Variants in SPATS2 observed in about 807,000 individuals in gnomAD.
The protein encoded by SPATS2 is spermatogenesis associated serine rich 2.
Under a neutral mutation model 63.7 loss-of-function variants are expected in SPATS2, and 38 were observed. The observed-to-expected ratio is 0.60, with a 90% confidence interval of 0.46 to 0.78. The LOEUF (loss-of-function observed/expected upper bound fraction) is 0.78. Ranked by LOEUF, SPATS2 falls within the 30% of genes least tolerant of loss-of-function variation. The probability of loss-of-function intolerance (pLI) is 0.00; values close to 1 mark genes in which losing one functional copy is unlikely to be tolerated. For synonymous variants in SPATS2, 207 were observed against 232.9 expected, an observed-to-expected ratio of 0.89 and a Z score of 1.01; for missense variants, 588 against 666.2, an observed-to-expected ratio of 0.88 and a Z score of 1.29.
chr12:49,380,807 ATTTG>A (rs1382217361), intron 2 of SPATS2, among the ~76,000 whole-genome samples: 4 of 151,008 alleles, frequency 2.6e-5, no homozygotes, highest in Non-Finnish European at 5.9e-5. Flanking sequence ...CATGTATAGT[ATTTG>A]TTTGAATACC....
intron 3 of SPATS2, among the ~76,000 whole-genome samples, chr12:49,469,838 A>G (rs1047337627): frequency 6.6e-6 from 1 of 151,920 alleles, no homozygotes; most frequent in Non-Finnish European, 1.5e-5. Flanking sequence ...TAGTAAGCCA[A>G]GGTCACGCCA....
chr12:49,478,978 G>A (rs968722969), intron 3 of SPATS2, among the ~76,000 whole-genome samples: 7 of 152,034 alleles, frequency 4.6e-5, no homozygotes, highest in African/African-American at 1.7e-4. Flanking sequence ...CTCCTACAGA[G>A]TATTCAGCTC....
At chr12:49,409,871 A>G (rs1000974298) in intron 2 of SPATS2, among the ~76,000 whole-genome samples, 2 of 151,820 alleles carry the variant, frequency 1.3e-5, no homozygotes, top group African/African-American at 4.8e-5. Flanking sequence ...CTAAAGTGGT[A>G]GGATTACAGG....
intron 2 of SPATS2, among the ~76,000 whole-genome samples, chr12:49,397,146 T>A (rs569020091): frequency 6.6e-6 from 1 of 152,328 alleles, no homozygotes; most frequent in Admixed American, 6.5e-5. Context: ...TCTCTTATCA[T>A]TACCTTCTCA....
chr12:49,461,170 G>A (rs548532064), intron 3 of SPATS2, 133 bp downstream of exon 3: 7 of 912,252 alleles, frequency 7.7e-6, no homozygotes, highest in East Asian at 5.4e-5. Context: ...TTAGATTATC[G>A]CTTTGTGTAT....
chr12:49,462,366 G>C (rs1434814037), intron 3 of SPATS2: 1 of 702,306 alleles, frequency 1.4e-6, no homozygotes, highest in Non-Finnish European at 2.6e-6. Context: ...TGAACTCTGT[G>C]TGGGCCCCGT....
At chr12:49,389,763 A>G (rs1944387278) in intron 2 of SPATS2, 10 of 1,401,638 alleles carry the variant, frequency 7.1e-6, no homozygotes, top group Non-Finnish European at 1.0e-5. Context: ...GCAACAAGAA[A>G]GAAAAGAATT....
At chr12:49,424,660 C>T (rs1265543190) in intron 2 of SPATS2, among the ~76,000 whole-genome samples, 3 of 152,180 alleles carry the variant, frequency 2.0e-5, no homozygotes, top group South Asian at 2.1e-4. Context: ...ATGATACATA[C>T]GTACCATAGT....
At position 49,489,530 on chromosome 12, in the gene SPATS2, CT is replaced by C; in HGVS notation, c.174del (p.Phe58LeufsTer26). On this transcript the variant is annotated frameshift_variant, in exon 5 of 14. Coordinates refer to ENST00000552918, the MANE Select transcript of SPATS2 (RefSeq NM_023071.4). LOFTEE classifies it high-confidence loss of function. The part of the protein sequence containing the change: ...NNEIILVLQH[F>X]DNCVDKTVQA... ...ATGAAATTATCCTGGTTTTGCAGCACTTTGATAACTGTGTGGACAAAACAGT... is the reference window on the plus strand; with the variant it reads ...ATGAAATTATCCTGGTTTTGCAGCACTTGATAACTGTGTGGACAAAACAGT... 1 of 1,613,872 alleles carries C rather than the reference CT, an allele frequency of 6.2e-7. No homozygotes were observed. The highest frequency in any genetic ancestry group is 8.5e-7 in the Non-Finnish European group (1 of 1,179,874).
chr12:49,375,184 GTGTGTGTGT>G (rs879590578), intron 2 of SPATS2, among the ~76,000 whole-genome samples: 5,573 of 119,158 alleles, frequency 0.047, 197 homozygotes, highest in African/African-American at 0.1. Flanking sequence ...GTGTGTGTGT[GTGTGTGTGT>G]GTGGTGGTAG....
chr12:49,473,961 T>G (rs1946079615), intron 3 of SPATS2, among the ~76,000 whole-genome samples: 1 of 152,210 alleles, frequency 6.6e-6, no homozygotes, highest in African/African-American at 2.4e-5. Flanking sequence ...AGCGATTACC[T>G]TTGGTGAGTG....
chr12:49,454,835 G>T (rs1159531379), intron 2 of SPATS2, among the ~76,000 whole-genome samples: 2 of 150,508 alleles, frequency 1.3e-5, no homozygotes, highest in Admixed American at 1.3e-4. Context: ...AGCCAGGGTC[G>T]CACTGCTGCA....
At chr12:49,395,343 C>T (rs1169934525) in intron 2 of SPATS2, among the ~76,000 whole-genome samples, 1 of 151,526 alleles carries the variant, frequency 6.6e-6, no homozygotes, top group Admixed American at 6.6e-5. Context: ...CTGGGACCTC[C>T]AATACAATGT....
At chr12:49,470,543 T>C (rs775205534) in intron 3 of SPATS2, among the ~76,000 whole-genome samples, 1 of 152,208 alleles carries the variant, frequency 6.6e-6, no homozygotes, top group Non-Finnish European at 1.5e-5. Context: ...AAAACAATAA[T>C]AGAGATCAGA....
intron 2 of SPATS2, chr12:49,386,916 A>T (rs1482967770): frequency 1.3e-5 from 2 of 152,292 alleles, no homozygotes; most frequent in Admixed American, 1.3e-4. Context: ...CAAGGAATTC[A>T]GAGAGATACG....
At chr12:49,498,204 A>C (rs1946501895) in intron 8 of SPATS2, among the ~76,000 whole-genome samples, 1 of 148,306 alleles carries the variant, frequency 6.7e-6, no homozygotes, top group Non-Finnish European at 1.5e-5. Context: ...GGTGGATTCT[A>C]AAAAATAAAA....
At chr12:49,458,475 A>C (rs775301739) in intron 2 of SPATS2, among the ~76,000 whole-genome samples, 1 of 151,502 alleles carries the variant, frequency 6.6e-6, no homozygotes, top group Non-Finnish European at 1.5e-5. Context: ...TCTCCAGAAA[A>C]AGGAAAAGAA....
In SPATS2 at chr12:49,375,136, TGTG is replaced by T. The variant is rs1252628577; in HGVS notation, c.-244+3848_-244+3850del. On this transcript the variant is annotated intron_variant, in intron 2 of 13. Coordinates refer to ENST00000552918, the MANE Select transcript of SPATS2 (RefSeq NM_023071.4). Reference sequence around the variant, plus strand: ...ATTAACAAGATGTATGATTGCAAGTTGTGGAGTGTGTGTGTGTGTGTGTGTGTG... The same window carrying T: ...ATTAACAAGATGTATGATTGCAAGTTGAGTGTGTGTGTGTGTGTGTGTGTG... 1.4e-4 allele frequency among the ~76,000 whole-genome samples: 19 copies of T among 132,938 alleles called. 1 individual carries two copies. Among genetic ancestry groups the T allele is most frequent in the African/African-American group, 3.6e-4 (13 of 36,056 alleles). The allele number at this position is 132,938 out of a possible 152,430, so 87.2% of individuals were successfully genotyped here.
intron 2 of SPATS2, among the ~76,000 whole-genome samples, chr12:49,453,853 A>ATTTTT (rs1945669076): frequency 2.7e-5 from 3 of 109,242 alleles, no homozygotes; most frequent in African/African-American, 1.1e-4. Context: ...AGCAAATAGC[A>ATTTTT]TTCTTTTTTT....
Sources: gnomAD v4.1 joint callset for allele counts (sites outside exome capture counted in the v4.1 genomes callset) on GRCh38, gnomAD v4.1.1 for gene constraint, MANE v1.5 for transcripts, NCBI Gene and HGNC (gene_info 2026-07-23, HGNC 2026-07-21) for gene names.